Variants in PDSS2 observed in about 807,000 individuals in gnomAD.
PDSS2 encodes decaprenyl diphosphate synthase subunit 2, also known as all trans-polyprenyl-diphosphate synthase PDSS2.
PDSS2 carries 31 observed loss-of-function variants against 44.5 expected under a neutral mutation model. That is an observed-to-expected ratio of 0.70 (90% CI 0.52 to 0.94). The LOEUF is 0.94. Ranked by LOEUF, PDSS2 falls within the 40% of genes least tolerant of loss-of-function variation. PDSS2 has a pLI of 0.00. For missense variants in PDSS2, 452 were observed against 482.2 expected, an observed-to-expected ratio of 0.94 and a Z score of 0.59; for synonymous variants, 157 against 180.3, an observed-to-expected ratio of 0.87 and a Z score of 1.03.
chr6:107,181,788 G>A (rs1361711593), intron 7 of PDSS2, among the ~76,000 whole-genome samples: 11 of 151,192 alleles, frequency 7.3e-5, no homozygotes, highest in Non-Finnish European at 1.3e-4. Flanking sequence ...TACTCAGGAG[G>A]CTGAGGCAGG....
At chr6:107,250,440 T>C (rs1302145417) in intron 3 of PDSS2, among the ~76,000 whole-genome samples, 4 of 152,234 alleles carry the variant, frequency 2.6e-5, no homozygotes, top group African/African-American at 4.8e-5. Flanking sequence ...CTTAAATTTA[T>C]AATTGCTAAG....
In PDSS2 at chr6:107,297,890, C is replaced by T. The variant is rs563918746; in HGVS notation, c.432-23663G>A. On this transcript the variant is annotated intron_variant, in intron 2 of 7. Transcript: ENST00000369037. Reference sequence around the variant, plus strand: ...ACACCCGAGTAGCTGGGATTATAGGCGTGTGCCACCACTCCCAGCTAATTT... The same window carrying T: ...ACACCCGAGTAGCTGGGATTATAGGTGTGTGCCACCACTCCCAGCTAATTT... Among the ~76,000 whole-genome samples, 392 of 151,802 alleles carry T rather than the reference C, an allele frequency of 2.6e-3. 3 individuals carry two copies. Among genetic ancestry groups the T allele is most frequent in the African/African-American group, 9.1e-3 (377 of 41,398 alleles).
intron 1 of PDSS2, among the ~76,000 whole-genome samples, chr6:107,352,697 TC>T (rs1350394200): frequency 1.3e-5 from 2 of 152,182 alleles, no homozygotes; most frequent in Non-Finnish European, 2.9e-5. Flanking sequence ...GAGAAGTGGT[TC>T]TTAACTCGGG....
chr6:107,384,807 C>T (rs1188627319), intron 1 of PDSS2, among the ~76,000 whole-genome samples: 1 of 152,114 alleles, frequency 6.6e-6, no homozygotes, highest in African/African-American at 2.4e-5. Context: ...AGATCATTCT[C>T]CCCCTGGTGC....
chr6:107,173,596 A>AAAAAAAG (rs1554249196), intron 7 of PDSS2, among the ~76,000 whole-genome samples: 1 of 150,492 alleles, frequency 6.6e-6, no homozygotes, highest in Non-Finnish European at 1.5e-5. Context: ...AAAAAAAAAA[A>AAAAAAAG]ACGCTTAGAA....
intron 4 of PDSS2, among the ~76,000 whole-genome samples, chr6:107,233,219 C>T (rs970895704): frequency 2.6e-5 from 4 of 152,142 alleles, no homozygotes; most frequent in Admixed American, 6.5e-5. Flanking sequence ...ATTCTTAATG[C>T]TGCACTTTCT....
intron 1 of PDSS2, among the ~76,000 whole-genome samples, chr6:107,408,170 A>G (rs319058): frequency 0.72 from 109,808 of 151,786 alleles, 40,165 homozygotes; most frequent in Middle Eastern, 0.79. Context: ...TGGGATTACA[A>G]ATGTGTGTGC....
intron 1 of PDSS2, among the ~76,000 whole-genome samples, chr6:107,458,010 G>GTA (rs1021068380): frequency 2.0e-5 from 3 of 152,042 alleles, no homozygotes; most frequent in Admixed American, 6.6e-5. Context: ...CACGTGAATA[G>GTA]TATATATATC....
chr6:107,233,838 A>T (rs543022010), intron 4 of PDSS2, among the ~76,000 whole-genome samples: 46 of 152,016 alleles, frequency 3.0e-4, no homozygotes, highest in African/African-American at 1.0e-3. Context: ...AAATGTAAAA[A>T]AAAAAATAAA....
intron 1 of PDSS2, among the ~76,000 whole-genome samples, chr6:107,452,901 G>A (rs761954610): frequency 6.6e-6 from 1 of 152,000 alleles, no homozygotes; most frequent in Non-Finnish European, 1.5e-5. Flanking sequence ...TCCTGACCTT[G>A]TGATCTGCCC....
chr6:107,410,883 G>C (rs1780471632), intron 1 of PDSS2, among the ~76,000 whole-genome samples: 1 of 150,700 alleles, frequency 6.6e-6, no homozygotes, highest in African/African-American at 2.4e-5. Flanking sequence ...ATCTACCATG[G>C]GTTATTTTGT....
chr6:107,156,101 G>C (rs1250281183), intron 7 of PDSS2, among the ~76,000 whole-genome samples: 4 of 151,424 alleles, frequency 2.6e-5, no homozygotes, highest in African/African-American at 9.7e-5. Flanking sequence ...TGTTGGCCAG[G>C]CTGGTCTCCG....
chr6:107,332,306 A>C (rs1309534094), intron 2 of PDSS2, among the ~76,000 whole-genome samples: 1 of 151,870 alleles, frequency 6.6e-6, no homozygotes, highest in Non-Finnish European at 1.5e-5. Context: ...GGGTTTCTCC[A>C]TGTTGCCCAG....
chr6:107,283,363 G>A (rs1776035137), intron 2 of PDSS2, among the ~76,000 whole-genome samples: 1 of 151,666 alleles, frequency 6.6e-6, no homozygotes, highest in Non-Finnish European at 1.5e-5. Context: ...AAACCCACCA[G>A]AATCGTTCCT....
chr6:107,247,803 A>G (rs1245399101), intron 3 of PDSS2, among the ~76,000 whole-genome samples: 1 of 144,854 alleles, frequency 6.9e-6, no homozygotes, highest in South Asian at 2.2e-4. Context: ...GGAGTTCGAG[A>G]CCAGCCTGGC....
chr6:107,437,754 A>G (rs1781399799), intron 1 of PDSS2, among the ~76,000 whole-genome samples: 2 of 152,170 alleles, frequency 1.3e-5, no homozygotes, highest in African/African-American at 4.8e-5. Context: ...ATAAGTAGAT[A>G]GATCTGCACA....
At chr6:107,253,249 G>A (rs1774886114) in intron 3 of PDSS2, among the ~76,000 whole-genome samples, 1 of 152,030 alleles carries the variant, frequency 6.6e-6, no homozygotes, top group Admixed American at 6.6e-5. Context: ...ACACTGGCCA[G>A]GCTGGTCTCG....
chr6:107,318,995 A>AAT (rs1258163487), intron 2 of PDSS2, among the ~76,000 whole-genome samples: 3,069 of 103,824 alleles, frequency 0.03, 106 homozygotes, highest in African/African-American at 0.086. Context: ...TAAAAAAGAA[A>AAT]ATATATATAT....
At chr6:107,271,560 T>G (rs747050660) in intron 3 of PDSS2, among the ~76,000 whole-genome samples, 1 of 152,146 alleles carries the variant, frequency 6.6e-6, no homozygotes, top group Non-Finnish European at 1.5e-5. Flanking sequence ...TACAGTACAA[T>G]TGGGTGACAC....
Sources: gnomAD v4.1 joint callset for allele counts (sites outside exome capture counted in the v4.1 genomes callset) on GRCh38, gnomAD v4.1.1 for gene constraint, MANE v1.5 for transcripts, NCBI Gene and HGNC (gene_info 2026-07-23, HGNC 2026-07-21) for gene names.